The following GHRHR variants were observed in gnomAD, a reference collection of about 807,000 sequenced individuals.
GHRHR encodes the protein growth hormone-releasing hormone receptor.
A neutral mutation model predicts 58.3 loss-of-function variants in GHRHR; 40 were observed. The observed-to-expected ratio is 0.69, with a 90% confidence interval of 0.53 to 0.89. The LOEUF (loss-of-function observed/expected upper bound fraction) is 0.89. Among genes scored for constraint, GHRHR ranks in the 40% least tolerant of loss-of-function variants. The pLI is 0.00. For missense variants in GHRHR, 551 were observed against 541.3 expected (o/e 1.02, Z -0.18); for synonymous variants, 249 against 216.6 (o/e 1.15, Z -1.31).
At chr7:30,973,884 TG>T in intron 6 of GHRHR, 100 bp from the exon 7 acceptor site, 1 of 1,196,036 alleles carries the variant, frequency 8.4e-7, no homozygotes, top group Non-Finnish European at 1.2e-6. Flanking sequence ...CAGCCTAACA[TG>T]GAGGGGCCTG....
intron 1 of GHRHR, among the ~76,000 whole-genome samples, chr7:30,967,766 A>G (rs1395873346): frequency 3.3e-5 from 5 of 151,738 alleles, no homozygotes. Flanking sequence ...TCACTCATCC[A>G]TGTGCTCATT....
At chr7:30,975,066 G>A (rs1428676460) in intron 9 of GHRHR, 26 bp downstream of exon 9, 2 of 1,499,010 alleles carry the variant, frequency 1.3e-6, no homozygotes, top group East Asian at 2.3e-5. Context: ...AGTGCCCTTT[G>A]CTTTATTCAG....
intron 12 of GHRHR, 29 bp from the exon 13 acceptor site, chr7:30,979,090 T>C: frequency 6.2e-7 from 1 of 1,611,646 alleles, no homozygotes. Flanking sequence ...AGGGGGACCT[T>C]CCTAACGTCC....
intron 3 of GHRHR, 32 bp from the exon 4 acceptor site, chr7:30,969,835 G>C: frequency 6.2e-7 from 1 of 1,611,864 alleles, no homozygotes; most frequent in South Asian, 1.1e-5. Flanking sequence ...GAGGGAAGGA[G>C]TTGTGGCTAG....
intron 12 of GHRHR, among the ~76,000 whole-genome samples, chr7:30,978,849 G>A (rs994175298): frequency 1.3e-5 from 2 of 152,178 alleles, no homozygotes; most frequent in Admixed American, 1.3e-4. Flanking sequence ...ACTCAAGAAA[G>A]CACCTATAAA....
Position 30,976,444 on chromosome 7 carries a change from G to T in GHRHR, c.990G>T (p.Ser330=). The stretch of plus-strand genomic sequence containing the variant: ...TTTCCTGCAGGCGTCTCTCCAAGTC[G>T]ACACTTTTCCTGATCCCACTCTTTG... ...TQSQYWRLSK[S]TLFLIPLFGI... Residue 330 remains serine (S), a synonymous_variant, in exon 11 of 13, where the codon TCG becomes TCT. Coordinates refer to ENST00000326139, the MANE Select transcript of GHRHR (RefSeq NM_000823.4). 1 of 1,613,466 alleles carries T rather than the reference G, an allele frequency of 6.2e-7. No homozygotes were observed. The highest frequency in any genetic ancestry group is 1.1e-5 in the South Asian group (1 of 91,016).
chr7:30,974,774 A>G (rs552873466), intron 8 of GHRHR, among the ~76,000 whole-genome samples, 197 bp from the exon 9 acceptor site: 6 of 152,134 alleles, frequency 3.9e-5, no homozygotes, highest in African/African-American at 1.2e-4. Context: ...ACGTTTGTCC[A>G]TCTAGGTGGA....
chr7:30,970,071 C>T, intron 4 of GHRHR, 107 bp downstream of exon 4: 1 of 765,402 alleles, frequency 1.3e-6, no homozygotes, highest in South Asian at 1.4e-5. Flanking sequence ...TGGAATACTA[C>T]TTACAGCAGT....
chr7:30,973,429 G>C (rs985316936), intron 6 of GHRHR, among the ~76,000 whole-genome samples: 3 of 152,192 alleles, frequency 2.0e-5, no homozygotes, highest in African/African-American at 4.8e-5. Flanking sequence ...GAGACAGTTG[G>C]CAAGGTCACC....
chr7:30,974,285 GGACCAGGGCCCT>G, intron 7 of GHRHR, 132 bp from the exon 8 acceptor site: 1 of 1,135,714 alleles, frequency 8.8e-7, no homozygotes, highest in Non-Finnish European at 1.3e-6. Context: ...TTGGAGGGTG[GGACCAGGGCCCT>G]GGCTCTGGGG....
At position 30,979,209 on chromosome 7, in the gene GHRHR, C is replaced by T. The variant is rs757742182; in HGVS notation, c.1237C>T (p.Arg413Cys). ...RTRAKWTTPS[R>C]SAAKVLTSMC ...CCGTGCTAAGTGGACCACGCCTTCC[C>T]GCTCGGCGGCAAAGGTGCTGACATC... Residue 413 changes from arginine to cysteine, a missense_variant, in exon 13 of 13, where the codon CGC (arginine) becomes TGC (cysteine). Arg to Cys is a radical substitution (Grantham distance 180). Transcript: ENST00000326139. 3.2e-5 allele frequency: 51 copies of T among 1,613,926 alleles called. No individual in the cohort carries two copies. The highest frequency in any genetic ancestry group is 3.1e-4 in the South Asian group (28 of 91,080).
At chr7:30,977,110 C>T (rs1478876355) in intron 11 of GHRHR, among the ~76,000 whole-genome samples, 171 bp from the exon 12 acceptor site, 1 of 152,208 alleles carries the variant, frequency 6.6e-6, no homozygotes, top group East Asian at 1.9e-4. Context: ...AATTCTATGA[C>T]AATATGCCTG....
rs750156453 is a variant in GHRHR, at chr7:30,971,200, A to G, written c.448A>G (p.Ile150Val). The part of the protein sequence containing the change: ...SIVALFVAIT[I>V]LVALRRLHCP... The stretch of plus-strand genomic sequence containing the variant: ...TGTAGCCCTCTTCGTGGCCATCACC[A>G]TCCTGGTTGCTCTCAGGTTTGTCAT... The change falls in exon 5 of 13, where the codon ATC becomes GTC. Residue 150 changes from isoleucine to valine, a missense_variant. Transcript: ENST00000326139. The G allele has an allele frequency of 3.4e-6, 5 of 1,478,688 alleles. No homozygotes were observed. The highest frequency in any genetic ancestry group is 1.7e-4 in the Middle Eastern group (1 of 5,892). 91.6% of individuals were successfully genotyped at this position (1,478,688 alleles called of 1,614,324 possible).
chr7:30,972,068 C>T lies in GHRHR; in HGVS notation c.570C>T (p.Asp190=), dbSNP rs751896982. 15 of 1,614,050 alleles carry T rather than the reference C, an allele frequency of 9.3e-6. 1 individual carries two copies. The highest frequency in any genetic ancestry group is 6.7e-5 in the East Asian group (3 of 44,866). Residue 190 remains aspartate, a synonymous_variant, in exon 6 of 13, where the codon GAC becomes GAT. Coordinates refer to ENST00000326139, the MANE Select transcript of GHRHR (RefSeq NM_000823.4). ...AGGATGCTGCCCTTTTCCACAGCGA[C>T]GACACTGACCACTGCAGCTTCTCCA... is the stretch of plus-strand genomic sequence containing the variant. The part of the protein sequence containing the change: ...FLKDAALFHS[D]DTDHCSFSTV...
chr7:30,969,046 C>A lies in GHRHR; in HGVS notation c.161-17C>A. ...GCACCTGGGCTGAGTCTCTGCTGCT[C>A]CTGGCTCTCTATCCAGGCTGCCCTG... On this transcript the variant is annotated splice_polypyrimidine_tract_variant and intron_variant, in intron 2 of 12. Coordinates refer to ENST00000326139, the MANE Select transcript of GHRHR (RefSeq NM_000823.4). The A allele has an allele frequency of 6.4e-7, 1 of 1,571,258 alleles. No homozygotes were observed.
intron 7 of GHRHR, 124 bp downstream of exon 7, chr7:30,974,262 C>T: frequency 5.7e-6 from 7 of 1,231,756 alleles, no homozygotes. Flanking sequence ...AGGCCACAGT[C>T]CGGCAGCAAG....
chr7:30,971,225 T>A lies in GHRHR; in HGVS notation c.464+9T>A. ...ATCCTGGTTGCTCTCAGGTTTGTCA[T>A]CCTCATCACCAGCTCAAGAACCTTC... On this transcript the variant is annotated intron_variant, in intron 5 of 12. Transcript: ENST00000326139. 1 of 1,249,004 alleles carries A rather than the reference T, an allele frequency of 8.0e-7. No individual in the cohort carries two copies. The highest frequency in any genetic ancestry group is 1.2e-6 in the Non-Finnish European group (1 of 869,210). 77.4% of individuals were successfully genotyped at this position (1,249,004 alleles called of 1,614,324 possible).
At chr7:30,965,652 G>A (rs1180987027) in intron 1 of GHRHR, among the ~76,000 whole-genome samples, 1 of 152,204 alleles carries the variant, frequency 6.6e-6, no homozygotes, top group African/African-American at 2.4e-5. Flanking sequence ...TTTGGCATGA[G>A]GCTGCTCTCC....
chr7:30,976,332 G>A, intron 10 of GHRHR, 97 bp from the exon 11 acceptor site: 1 of 1,129,498 alleles, frequency 8.9e-7, no homozygotes. Flanking sequence ...GTTCCACAGA[G>A]TGGATATAGG....
Sources: allele counts gnomAD v4.1 joint callset (sites outside exome capture counted in the v4.1 genomes callset), GRCh38; gene constraint gnomAD v4.1.1; transcripts MANE v1.5; gene names NCBI Gene and HGNC (gene_info 2026-07-23, HGNC 2026-07-21).